The following CREB5 variants were observed in gnomAD, a reference collection of about 807,000 sequenced individuals.
CREB5 encodes cAMP responsive element binding protein 5.
CREB5 carries 19 observed loss-of-function variants against 57.1 expected under a neutral mutation model. That is an observed-to-expected ratio of 0.33 (90% CI 0.23 to 0.49). The LOEUF (loss-of-function observed/expected upper bound fraction) is 0.49, where lower values mean the gene tolerates loss of function less well. Ranked by LOEUF, CREB5 falls within the 20% of genes least tolerant of loss-of-function variation. CREB5 has a pLI of 0.99. For missense variants in CREB5, 579 were observed against 671.6 expected, an observed-to-expected ratio of 0.86 and a Z score of 1.52; for synonymous variants, 238 against 238.3, an observed-to-expected ratio of 1.00 and a Z score of 0.01.
chr7:28,560,913 T>TGTGTGTGTGTGTGTGCGTGCGCGCGCGC (rs1211404751), intron 4 of CREB5, among the ~76,000 whole-genome samples: 10 of 21,996 alleles, frequency 4.5e-4, no homozygotes, highest in South Asian at 2.9e-3. Context: ...CGCGTGCGTG[T>TGTGTGTGTGTGTGTGCGTGCGCGCGCGC]GCGTGTGTGC....
intron 1 of CREB5, among the ~76,000 whole-genome samples, chr7:28,403,667 A>T (rs1291191973): frequency 2.0e-5 from 3 of 152,114 alleles, no homozygotes; most frequent in Non-Finnish European, 2.9e-5. Flanking sequence ...TCAGCATGTG[A>T]GCATGGAGCT....
intron 7 of CREB5, among the ~76,000 whole-genome samples, chr7:28,735,259 C>T (rs1583638082): frequency 6.6e-6 from 1 of 152,124 alleles, no homozygotes; most frequent in African/African-American, 2.4e-5. Flanking sequence ...ATATTGGCTT[C>T]TCCAGGATTA....
Position 28,566,947 on chromosome 7 carries a change from G to A in CREB5, c.292-3418G>A, listed in dbSNP as rs139803562. ...TAGATAGTGATTAGTATTCTTTTTG[G>A]TGATTCTCAGAGAAGATTCTTAAAC... On this transcript the variant is annotated intron_variant, in intron 4 of 10. Transcript: ENST00000357727. Among the ~76,000 whole-genome samples the A allele has an allele frequency of 2.2e-3, 339 of 152,290 alleles. 5 individuals are homozygous for A. Among genetic ancestry groups the A allele is most frequent in the African/African-American group, 7.8e-3 (324 of 41,556 alleles).
intron 5 of CREB5, among the ~76,000 whole-genome samples, chr7:28,696,287 G>A (rs1182492867): frequency 6.6e-6 from 1 of 152,256 alleles, no homozygotes; most frequent in African/African-American, 2.4e-5. Context: ...GGGCTCATAT[G>A]TCTGCATCTT....
intron 4 of CREB5, among the ~76,000 whole-genome samples, chr7:28,557,506 G>A (rs1385934079): frequency 6.6e-6 from 1 of 152,066 alleles, no homozygotes. Flanking sequence ...CTTATTTGAA[G>A]AATAAGGATC....
intron 1 of CREB5, among the ~76,000 whole-genome samples, chr7:28,425,456 G>C (rs1788468409): frequency 6.6e-6 from 1 of 152,064 alleles, no homozygotes; most frequent in Admixed American, 6.6e-5. Context: ...GGGAGTTCAG[G>C]GGTGACCATT....
intron 1 of CREB5, among the ~76,000 whole-genome samples, chr7:28,405,948 C>T (rs1787570712): frequency 6.6e-6 from 1 of 152,158 alleles, no homozygotes; most frequent in Non-Finnish European, 1.5e-5. Flanking sequence ...GAACTAAAAT[C>T]CCTGGGGACG....
At chr7:28,475,200 C>A (rs1312678249) in intron 1 of CREB5, among the ~76,000 whole-genome samples, 1 of 144,740 alleles carries the variant, frequency 6.9e-6, no homozygotes, top group Non-Finnish European at 1.5e-5. Context: ...TATATTATGA[C>A]TTCCTTTTTT....
intron 1 of CREB5, among the ~76,000 whole-genome samples, chr7:28,441,827 A>T (rs1380809245): frequency 6.6e-6 from 1 of 152,166 alleles, no homozygotes; most frequent in African/African-American, 2.4e-5. Context: ...AAACTTTTTT[A>T]AATTTTAAAA....
At chr7:28,703,281 A>G (rs1022258575) in intron 5 of CREB5, among the ~76,000 whole-genome samples, 2 of 152,174 alleles carry the variant, frequency 1.3e-5, no homozygotes, top group South Asian at 4.1e-4. Flanking sequence ...CTCCAGGTCT[A>G]TTTTGGGGGT....
At chr7:28,616,276 G>A (rs754364759) in intron 5 of CREB5, among the ~76,000 whole-genome samples, 8 of 152,088 alleles carry the variant, frequency 5.3e-5, no homozygotes, top group Non-Finnish European at 8.8e-5. Context: ...TCACTGACAC[G>A]GTCTATATCC....
chr7:28,562,315 C>G (rs1583634062), intron 4 of CREB5, among the ~76,000 whole-genome samples: 1 of 152,332 alleles, frequency 6.6e-6, no homozygotes, highest in South Asian at 2.1e-4. Flanking sequence ...GAAACTGTTT[C>G]TCACAGTCAA....
chr7:28,565,083 G>A (rs1795426393), intron 4 of CREB5, among the ~76,000 whole-genome samples: 1 of 152,162 alleles, frequency 6.6e-6, no homozygotes, highest in African/African-American at 2.4e-5. Flanking sequence ...GACTAGAATA[G>A]ACCTCTTAAC....
intron 5 of CREB5, among the ~76,000 whole-genome samples, chr7:28,643,731 T>C (rs1562545208): frequency 6.9e-6 from 1 of 144,022 alleles, no homozygotes; most frequent in African/African-American, 2.6e-5. Flanking sequence ...GTCTCACGAA[T>C]AGTTCACGGG....
chr7:28,344,466 T>G (rs1786000024), intron 1 of CREB5, among the ~76,000 whole-genome samples: 1 of 152,340 alleles, frequency 6.6e-6, no homozygotes, highest in South Asian at 2.1e-4. Context: ...TGTAAATGTA[T>G]GGATTTATTT....
At chr7:28,423,698 G>T (rs1040715781) in intron 1 of CREB5, among the ~76,000 whole-genome samples, 2 of 151,776 alleles carry the variant, frequency 1.3e-5, no homozygotes, top group Non-Finnish European at 1.5e-5. Context: ...CCACAGGCTT[G>T]TGTCTGCATC....
At chr7:28,779,398 C>A (rs1185558700) in intron 7 of CREB5, among the ~76,000 whole-genome samples, 1 of 152,198 alleles carries the variant, frequency 6.6e-6, no homozygotes, top group African/African-American at 2.4e-5. Context: ...TGTTTCTGCA[C>A]AGCCCTTCTT....
intron 4 of CREB5, among the ~76,000 whole-genome samples, chr7:28,534,200 C>A (rs552187911): frequency 6.6e-6 from 1 of 152,336 alleles, no homozygotes; most frequent in East Asian, 1.9e-4. Flanking sequence ...GAGAATTTCC[C>A]ACTGGCTCTT....
chr7:28,360,639 G>A (rs944441520), intron 1 of CREB5, among the ~76,000 whole-genome samples: 4 of 152,074 alleles, frequency 2.6e-5, no homozygotes, highest in African/African-American at 9.7e-5. Context: ...TGGAATTTGA[G>A]GTAATAGATA....
Sources: allele counts gnomAD v4.1 joint callset (sites outside exome capture counted in the v4.1 genomes callset), GRCh38; gene constraint gnomAD v4.1.1; transcripts MANE v1.5; gene names NCBI Gene and HGNC (gene_info 2026-07-23, HGNC 2026-07-21).